Variants in SYNE1 observed in about 807,000 individuals in gnomAD.
SYNE1 encodes the protein nesprin-1.
In SYNE1, 616 loss-of-function variants were observed where a neutral mutation model predicts 1,111.0. The ratio of observed to expected loss-of-function variants is 0.55; its 90% CI spans 0.52 to 0.59. SYNE1 has a LOEUF of 0.59. Ranked by LOEUF, SYNE1 falls within the 20% of genes least tolerant of loss-of-function variation. The probability of loss-of-function intolerance (pLI) is 0.00; values close to 1 mark genes in which losing one functional copy is unlikely to be tolerated. For synonymous variants in SYNE1, 3,855 were observed against 3,825.8 expected (o/e 1.01, Z -0.28); for missense variants, 10,006 against 10,417.0 (o/e 0.96, Z 1.72).
At chr6:152,129,219 G>C (rs2054597143) in intron 145 of SYNE1, 1 of 152,210 alleles carries the variant, frequency 6.6e-6, no homozygotes, top group Non-Finnish European at 1.5e-5. Flanking sequence ...AGAGCAGATA[G>C]ACGCAATATT....
chr6:152,548,425 C>T (rs940152033), intron 3 of SYNE1, among the ~76,000 whole-genome samples: 19 of 152,212 alleles, frequency 1.2e-4, no homozygotes, highest in African/African-American at 4.3e-4. Context: ...CAATTGCTCC[C>T]TCTGTTCAAT....
At chr6:152,453,292 T>C in intron 25 of SYNE1, 1 of 588,766 alleles carries the variant, frequency 1.7e-6, no homozygotes. Flanking sequence ...GCTTATGAAA[T>C]GTTGCTAGAA....
chr6:152,450,613 T>C lies in SYNE1; in HGVS notation c.3395+12A>G. The stretch of plus-strand genomic sequence containing the variant: ...TGACTACACCCCTCTCTGGAGGCCA[T>C]TCTGAGGCTACCTGCTAGTGTAGTC... On this transcript the variant is annotated intron_variant, in intron 27 of 145. Transcript: ENST00000367255. 1 of 1,613,386 alleles carries C rather than the reference T, an allele frequency of 6.2e-7. No homozygotes were observed. The highest frequency in any genetic ancestry group is 1.1e-5 in the South Asian group (1 of 91,052).
intron 34 of SYNE1, among the ~76,000 whole-genome samples, chr6:152,431,644 C>T (rs2098430322): frequency 1.3e-5 from 2 of 152,052 alleles, no homozygotes; most frequent in African/African-American, 2.4e-5. Flanking sequence ...TCAGCCAAGT[C>T]TCTGTTTCAG....
chr6:152,280,001 T>A (rs1367288483), intron 97 of SYNE1, among the ~76,000 whole-genome samples: 1 of 152,056 alleles, frequency 6.6e-6, no homozygotes, highest in Non-Finnish European at 1.5e-5. Flanking sequence ...TCACAACAAA[T>A]CTATTCCGAA....
chr6:152,164,402 C>T, intron 130 of SYNE1, 77 bp from the exon 131 acceptor site: 1 of 1,557,218 alleles, frequency 6.4e-7, no homozygotes. Flanking sequence ...GAGGAGAACA[C>T]TGGGCTTTAA....
At position 152,148,370 on chromosome 6, in the gene SYNE1, G is replaced by A. The variant is rs751712924; in HGVS notation, c.24651C>T (p.Asp8217=). 1.6e-5 allele frequency: 26 copies of A among 1,613,614 alleles called. No homozygotes were observed. Among genetic ancestry groups the A allele is most frequent in the African/African-American group, 9.3e-5 (7 of 74,934 alleles). ...HKKLIRLPLP[D]DEHDLSDREL... ...CCCTGTCTGAGAGGTCGTGCTCATC[G>A]TCTGGGAGCTAGAAGGGAAGTCAAG... Residue 8217 remains aspartate (D), a synonymous_variant, in exon 137 of 146, where the codon GAC becomes GAT. Coordinates refer to ENST00000367255, the MANE Select transcript of SYNE1 (RefSeq NM_182961.4). This position sits in a 1 kb window ranked among gnomAD's most constrained non-coding sequence, Gnocchi z 4.1.
rs1170850468 is a variant in SYNE1, at chr6:152,249,166, T to C, written c.19567A>G (p.Ile6523Val). ...NVFEQPVAEQIEAIQQAEDGL... is the reference protein window; with the variant it reads ...NVFEQPVAEQVEAIQQAEDGL... ...GAAAAGGCAGCTATAAATACCTCTATTTGTTCTGCTACGGGCTGTTCAAAC... is the reference window on the plus strand; with the variant it reads ...GAAAAGGCAGCTATAAATACCTCTACTTGTTCTGCTACGGGCTGTTCAAAC... The change falls in exon 105 of 146, where the codon ATA becomes GTA. Residue 6523 changes from isoleucine to valine, a missense_variant. Ile to Val is a conservative substitution (Grantham distance 29). Coordinates refer to ENST00000367255, the MANE Select transcript of SYNE1 (RefSeq NM_182961.4). 6.2e-7 allele frequency: 1 copy of C among 1,609,752 alleles called. No individual in the cohort carries two copies.
chr6:152,283,669 TGGGACTACA>T (rs759515403), intron 96 of SYNE1, among the ~76,000 whole-genome samples: 4 of 152,276 alleles, frequency 2.6e-5, no homozygotes, highest in Non-Finnish European at 4.4e-5. Context: ...CCCAAGTAGC[TGGGACTACA>T]GGCACACACC....
chr6:152,455,486 C>A lies in SYNE1; in HGVS notation c.2832G>T (p.Arg944=), dbSNP rs765265654. ...TTTCCTCCAGGCCCTCCTGAGCAAT[C>A]CGCAGTACCTTCTCCAACTCTGCTC... The part of the protein sequence containing the change: ...ESRAELEKVL[R]IAQEGLEEKG... Residue 944 remains arginine (R), a synonymous_variant, in exon 24 of 146, where the codon CGG becomes CGT. Transcript: ENST00000367255. 6.2e-6 allele frequency: 10 copies of A among 1,614,174 alleles called. No homozygotes were observed. The highest frequency in any genetic ancestry group is 8.5e-6 in the Non-Finnish European group (10 of 1,180,024).
rs12664735 is a variant in SYNE1 at position 152,630,722 on chromosome 6, A to C, written c.-223-2168T>G. 7.8e-3 allele frequency among the ~76,000 whole-genome samples: 1,191 copies of C among 152,276 alleles called. 15 individuals carry two copies. Among genetic ancestry groups the C allele is most frequent in the African/African-American group, 0.025 (1,025 of 41,550 alleles). On this transcript the variant is annotated intron_variant, in intron 2 of 145. Transcript: ENST00000367255. ...CACTTCATTTCAGATACCCCACTCC[A>C]AGCTGGGCTCAGCACTGGAGCTCAC... is the stretch of plus-strand genomic sequence containing the variant.
rs2098161689 is a variant in SYNE1, at chr6:152,416,808, G to A, written c.5629C>T (p.His1877Tyr). The A allele has an allele frequency of 6.2e-7, 1 of 1,614,102 alleles. No individual in the cohort carries two copies. The highest frequency in any genetic ancestry group is 1.3e-5 in the African/African-American group (1 of 74,938). ...LSHLAEFLQS[H>Y]ASLSGILRQL... Reference sequence around the variant, plus strand: ...CGGAGAATGCCGGACAGAGAGGCATGGCTCTGGAGGAATTCTGCCAAATGG... The same window carrying A: ...CGGAGAATGCCGGACAGAGAGGCATAGCTCTGGAGGAATTCTGCCAAATGG... Residue 1877 changes from histidine (H) to tyrosine (Y), a missense_variant, in exon 41 of 146, where the codon CAT (histidine) becomes TAT (tyrosine). By Grantham distance (83) the His-to-Tyr change is moderately conservative. Transcript: ENST00000367255.
intron 6 of SYNE1, among the ~76,000 whole-genome samples, chr6:152,514,658 C>CAA (rs529408436): frequency 2.8e-4 from 38 of 137,470 alleles, no homozygotes; most frequent in African/African-American, 9.6e-4. Flanking sequence ...CAATGAATAC[C>CAA]AAAAAAAAAA....
intron 95 of SYNE1, among the ~76,000 whole-genome samples, chr6:152,293,382 CCTCT>C (rs1423616870): frequency 3.3e-5 from 5 of 151,888 alleles, no homozygotes; most frequent in East Asian, 3.9e-4. Context: ...TCTCTCTCTC[CCTCT>C]CTCTCTTTTT....
chr6:152,363,364 G>A, intron 63 of SYNE1, among the ~76,000 whole-genome samples: 1 of 149,874 alleles, frequency 6.7e-6, no homozygotes, highest in South Asian at 2.1e-4. Context: ...CATGGTGGCG[G>A]GCGCCTGTAG....
In SYNE1 at chr6:152,362,242, T is replaced by A; in HGVS notation, c.10227A>T (p.Glu3409Asp). ...GCCTTTCTGATTCATTCAGGTTGGC[T>A]TCCATACTATCCATCCAACCGGAGA... is the stretch of plus-strand genomic sequence containing the variant. Reference protein sequence around the residue: ...RQFSGWMDSMEANLNESERQH... With the variant: ...RQFSGWMDSMDANLNESERQH... The change falls in exon 64 of 146, where the codon GAA (glutamate) becomes GAT (aspartate). Residue 3409 changes from glutamate (E) to aspartate (D), a missense_variant. Physicochemically the swap from Glu to Asp is conservative, Grantham distance 45. Transcript: ENST00000367255. 6.2e-7 allele frequency: 1 copy of A among 1,614,202 alleles called. No individual in the cohort carries two copies. Among genetic ancestry groups the A allele is most frequent in the Non-Finnish European group, 8.5e-7 (1 of 1,180,036 alleles).
At chr6:152,407,694 T>C (rs2097920607) in intron 44 of SYNE1, among the ~76,000 whole-genome samples, 1 of 151,544 alleles carries the variant, frequency 6.6e-6, no homozygotes, top group Non-Finnish European at 1.5e-5. Flanking sequence ...CCTATAATGA[T>C]ATGCACTAAA....
At position 152,224,553 on chromosome 6, in the gene SYNE1, G is replaced by A. The variant is rs778445117; in HGVS notation, c.21463C>T (p.Arg7155Ter). ...AAGGAGCCAGTCAGCAGACGGAATCGGGAAAGAGAGTATCTGGCCTCCATG... is the reference window on the plus strand; with the variant it reads ...AAGGAGCCAGTCAGCAGACGGAATCAGGAAAGAGAGTATCTGGCCTCCATG... ...YLMEARYSLS[R>*]FRLLTGSLEA... The change falls in exon 117 of 146, where the codon CGA becomes TGA. Residue 7155 changes from arginine to a stop codon, truncating the protein, a stop_gained. Transcript: ENST00000367255. LOFTEE classifies it high-confidence loss of function. 6.2e-6 allele frequency: 10 copies of A among 1,613,862 alleles called. No homozygotes were observed. Among genetic ancestry groups the A allele is most frequent in the African/African-American group, 4.0e-5 (3 of 74,910 alleles).
At chr6:152,193,876 G>A (rs1377035348) in intron 127 of SYNE1, among the ~76,000 whole-genome samples, 1 of 151,870 alleles carries the variant, frequency 6.6e-6, no homozygotes, top group African/African-American at 2.4e-5. Context: ...AGCCGGGCGT[G>A]GTGGTGGGTG....
Sources: allele counts gnomAD v4.1 joint callset (sites outside exome capture counted in the v4.1 genomes callset), GRCh38; gene constraint gnomAD v4.1.1; non-coding constraint Gnocchi (gnomAD v3.1); transcripts MANE v1.5; gene names NCBI Gene and HGNC (gene_info 2026-07-23, HGNC 2026-07-21).